SH2D4B: variants seen among roughly 807,000 people sequenced by gnomAD.
SH2D4B encodes the protein SH2 domain-containing protein 4B.
A neutral mutation model predicts 61.5 loss-of-function variants in SH2D4B; 45 were observed. That is an observed-to-expected ratio of 0.73 (90% confidence interval 0.58 to 0.94). The LOEUF is 0.94. Ranked by LOEUF, SH2D4B falls within the 40% of genes least tolerant of loss-of-function variation. The probability of loss-of-function intolerance (pLI) is 0.00; values close to 1 mark genes in which losing one functional copy is unlikely to be tolerated. For synonymous variants in SH2D4B, 224 were observed against 220.4 expected (o/e 1.02, Z -0.14); for missense variants, 572 against 574.2 (o/e 1.00, Z 0.04).
chr10:80,554,865 CGGGCGTAGTGGT>C (rs1564767055), intron 1 of SH2D4B, among the ~76,000 whole-genome samples: 2 of 151,856 alleles, frequency 1.3e-5, no homozygotes, highest in African/African-American at 4.8e-5. Context: ...AAAAATTAGC[CGGGCGTAGTGGT>C]GGGCACCTGT....
At chr10:80,640,238 A>G (rs773715796) in intron 7 of SH2D4B, among the ~76,000 whole-genome samples, 10 of 151,946 alleles carry the variant, frequency 6.6e-5, no homozygotes, top group South Asian at 4.2e-4. Flanking sequence ...CTTCATTTCA[A>G]CCTTGGTGAA....
chr10:80,590,536 G>A (rs951799799), intron 4 of SH2D4B, among the ~76,000 whole-genome samples: 2 of 152,128 alleles, frequency 1.3e-5, no homozygotes, highest in Non-Finnish European at 1.5e-5. Flanking sequence ...GGCTAGTGAC[G>A]CGATCTGGCA....
chr10:80,555,002 C>CCAA (rs1491215423), intron 1 of SH2D4B, among the ~76,000 whole-genome samples: 2 of 63,664 alleles, frequency 3.1e-5, no homozygotes, highest in African/African-American at 1.5e-4. Flanking sequence ...AGGCGAGTCT[C>CCAA]AAAAAAAAAA....
Position 80,592,715 on chromosome 10 carries a change from C to CTTTTTT in SH2D4B, c.643+3949_643+3954dup, listed in dbSNP as rs60807866. ...GTTTCTGTACTCTGTCTCTCTGTCT[C>CTTTTTT]TTTTTTTTTTTTTTTTGAGATGGAG... On this transcript the variant is annotated intron_variant, in intron 4 of 7. Coordinates refer to ENST00000646907, the MANE Select transcript of SH2D4B (RefSeq NM_001388272.1). 9.7e-4 allele frequency among the ~76,000 whole-genome samples: 131 copies of CTTTTTT among 134,522 alleles called. 1 individual carries two copies. Among genetic ancestry groups the CTTTTTT allele is most frequent in the South Asian group, 1.9e-3 (8 of 4,158 alleles). 88.3% of individuals were successfully genotyped at this position (134,522 alleles called of 152,430 possible). A position where few individuals can be genotyped will look rare whatever the true frequency, so the allele number is the denominator to read the frequency against.
At position 80,552,377 on chromosome 10, in the gene SH2D4B, G is replaced by T. The variant is rs139412125; in HGVS notation, c.184+13862G>T. The stretch of plus-strand genomic sequence containing the variant: ...GCATGGAGGGAGGTGCCTCTCCTGC[G>T]CTACTTCAGGACTCCAGCTGGTGGA... On this transcript the variant is annotated intron_variant, in intron 1 of 7. Coordinates refer to ENST00000646907, the MANE Select transcript of SH2D4B (RefSeq NM_001388272.1). 1.0e-3 allele frequency among the ~76,000 whole-genome samples: 158 copies of T among 152,256 alleles called. 1 individual carries two copies. The highest frequency in any genetic ancestry group is 1.7e-3 in the Admixed American group (26 of 15,288).
Position 80,644,076 on chromosome 10 carries a change from G to A in SH2D4B, c.1293G>A (p.Leu431=), listed in dbSNP as rs1196999902. ...QRDSPPDYHL[L]FE ...ACAGCCCACCAGACTACCATCTGTTGTTTGAATAATTTTTTTCCTTATCAA... is the reference window on the plus strand; with the variant it reads ...ACAGCCCACCAGACTACCATCTGTTATTTGAATAATTTTTTTCCTTATCAA... Residue 431 remains leucine (L), a synonymous_variant, in exon 8 of 8, where the codon TTG becomes TTA. Transcript: ENST00000646907. 1.2e-6 allele frequency: 2 copies of A among 1,613,404 alleles called. No individual in the cohort carries two copies.
intron 4 of SH2D4B, among the ~76,000 whole-genome samples, chr10:80,597,785 T>C (rs965379286): frequency 1.3e-5 from 2 of 151,606 alleles, no homozygotes; most frequent in African/African-American, 4.8e-5. Flanking sequence ...TCAGGGAAAA[T>C]GGGTGGGCGA....
chr10:80,553,947 T>C (rs1292738554), intron 1 of SH2D4B, among the ~76,000 whole-genome samples: 1 of 152,238 alleles, frequency 6.6e-6, no homozygotes, highest in Non-Finnish European at 1.5e-5. Flanking sequence ...CATGAGTCTC[T>C]GAGCCTAAGT....
At chr10:80,583,123 C>T (rs897603148) in intron 3 of SH2D4B, among the ~76,000 whole-genome samples, 4 of 152,132 alleles carry the variant, frequency 2.6e-5, no homozygotes, top group East Asian at 1.9e-4. Context: ...CCAAATCAAA[C>T]GAACTTAAAC....
intron 6 of SH2D4B, among the ~76,000 whole-genome samples, chr10:80,619,283 G>C (rs530285760): frequency 6.6e-6 from 1 of 152,338 alleles, no homozygotes; most frequent in East Asian, 1.9e-4. Flanking sequence ...GTGTTCCTCA[G>C]CTCTTCTGCA....
At chr10:80,586,766 T>G (rs939977529) in intron 3 of SH2D4B, among the ~76,000 whole-genome samples, 1 of 152,306 alleles carries the variant, frequency 6.6e-6, no homozygotes, top group Non-Finnish European at 1.5e-5. Flanking sequence ...TTTTTCACTC[T>G]TTACAATAAA....
intron 4 of SH2D4B, among the ~76,000 whole-genome samples, chr10:80,599,575 A>G (rs564296273): frequency 1.3e-5 from 2 of 152,242 alleles, no homozygotes; most frequent in East Asian, 3.9e-4. Context: ...GAACTCCTGC[A>G]GTGGCTCCTG....
chr10:80,632,764 G>T (rs2132160863), intron 6 of SH2D4B, among the ~76,000 whole-genome samples: 1 of 152,112 alleles, frequency 6.6e-6, no homozygotes, highest in African/African-American at 2.4e-5. Context: ...CTACTTTTTT[G>T]CATGAAGCCC....
At chr10:80,604,916 C>T (rs1279935863) in intron 5 of SH2D4B, among the ~76,000 whole-genome samples, 1 of 152,110 alleles carries the variant, frequency 6.6e-6, no homozygotes, top group Non-Finnish European at 1.5e-5. Context: ...GCCTCAGCAT[C>T]CCAAGTAGCT....
At chr10:80,615,045 G>T (rs1842645334) in intron 6 of SH2D4B, among the ~76,000 whole-genome samples, 1 of 152,234 alleles carries the variant, frequency 6.6e-6, no homozygotes. Flanking sequence ...AAAGAACTGT[G>T]CCCTGGGAGG....
chr10:80,570,545 A>T (rs545164545), intron 2 of SH2D4B, among the ~76,000 whole-genome samples: 7 of 152,226 alleles, frequency 4.6e-5, no homozygotes, highest in Admixed American at 3.9e-4. Context: ...TAATTGAAAG[A>T]TTCTAAAATC....
chr10:80,542,801 C>T (rs1841599913), intron 1 of SH2D4B, among the ~76,000 whole-genome samples: 1 of 152,072 alleles, frequency 6.6e-6, no homozygotes, highest in South Asian at 2.1e-4. Context: ...AGACGTCTTT[C>T]CCTCCCGCTC....
At position 80,576,053 on chromosome 10, in the gene SH2D4B, G is replaced by A. The variant is rs561350072; in HGVS notation, c.495+4475G>A. Among the ~76,000 whole-genome samples the A allele has an allele frequency of 6.7e-4, 102 of 152,368 alleles. 1 individual carries two copies. The highest frequency in any genetic ancestry group is 2.4e-3 in the African/African-American group (99 of 41,588). ...TTCCTCTTTCCCACATGGGGGCTGA[G>A]CTCCAGATACTGGAAGAGTGGCTCT... On this transcript the variant is annotated intron_variant, in intron 3 of 7. Transcript: ENST00000646907.
chr10:80,588,558 A>C, intron 3 of SH2D4B, 72 bp from the exon 4 acceptor site: 2 of 1,578,464 alleles, frequency 1.3e-6, no homozygotes, highest in Non-Finnish European at 1.7e-6. Flanking sequence ...GCAGAATCCC[A>C]GAGATATTTC....
Sources: gnomAD v4.1 joint callset for allele counts (sites outside exome capture counted in the v4.1 genomes callset) on GRCh38, gnomAD v4.1.1 for gene constraint, MANE v1.5 for transcripts, NCBI Gene and HGNC (gene_info 2026-07-23, HGNC 2026-07-21) for gene names.